CCDC191: variants seen among roughly 807,000 people sequenced by gnomAD.
CCDC191 encodes coiled-coil domain-containing protein 191.
CCDC191 carries 99 observed loss-of-function variants against 114.0 expected under a neutral mutation model. The ratio of observed to expected loss-of-function variants is 0.87; its 90% CI spans 0.74 to 1.03. CCDC191 has a LOEUF of 1.03. Ranked by LOEUF, CCDC191 falls within the 50% of genes least tolerant of loss-of-function variation. The probability of loss-of-function intolerance (pLI) is 0.00; values close to 1 mark genes in which losing one functional copy is unlikely to be tolerated. For missense variants in CCDC191, 973 were observed against 1,087.0 expected (o/e 0.90, Z 1.47); for synonymous variants, 351 against 376.0 (o/e 0.93, Z 0.77).
Position 114,042,690 on chromosome 3 carries a change from G to C in CCDC191, c.415+13C>G, listed in dbSNP as rs1045783352. On this transcript the variant is annotated intron_variant, in intron 4 of 16. Coordinates refer to ENST00000295878, the MANE Select transcript of CCDC191 (RefSeq NM_020817.2). ...TAGATGTTAAAACTTAGAACAATCA[G>C]GTAAGTTCTTACCATCAAACTTGTC... 10 of 1,549,744 alleles carry C rather than the reference G, an allele frequency of 6.5e-6. No individual in the cohort carries two copies. Among genetic ancestry groups the C allele is most frequent in the Admixed American group, 4.4e-5 (2 of 45,338 alleles).
intron 8 of CCDC191, among the ~76,000 whole-genome samples, chr3:114,017,445 T>C (rs2076178112): frequency 6.6e-6 from 1 of 152,220 alleles, no homozygotes. Flanking sequence ...AGTCTCTAGA[T>C]GTTGTTTTGC....
intron 13 of CCDC191, among the ~76,000 whole-genome samples, chr3:113,993,057 T>C (rs2075619636): frequency 6.6e-6 from 1 of 152,152 alleles, no homozygotes; most frequent in Non-Finnish European, 1.5e-5. Flanking sequence ...ATAAAAGTAA[T>C]ATGATCATCT....
At chr3:113,968,499 A>G (rs1050994286) in intron 16 of CCDC191, among the ~76,000 whole-genome samples, 1 of 150,788 alleles carries the variant, frequency 6.6e-6, no homozygotes, top group Non-Finnish European at 1.5e-5. Context: ...CCCAGGCTGG[A>G]CTGTAGCAGT....
At chr3:114,043,230 G>GTC (rs2076586738) in intron 3 of CCDC191, among the ~76,000 whole-genome samples, 3 of 152,216 alleles carry the variant, frequency 2.0e-5, no homozygotes, top group African/African-American at 7.2e-5. Flanking sequence ...AGCAAATGCA[G>GTC]AGGTCCTGTG....
intron 16 of CCDC191, among the ~76,000 whole-genome samples, chr3:113,976,975 T>C (rs1054777931): frequency 6.6e-6 from 1 of 152,216 alleles, no homozygotes; most frequent in African/African-American, 2.4e-5. Flanking sequence ...TTCCAGTATC[T>C]GTGAATTAAA....
intron 4 of CCDC191, among the ~76,000 whole-genome samples, chr3:114,039,114 A>G (rs1030113679): frequency 1.3e-5 from 2 of 152,234 alleles, no homozygotes; most frequent in Non-Finnish European, 2.9e-5. Context: ...AATTATATAC[A>G]ATACATAATA....
chr3:114,027,654 A>C (rs2076343900), intron 7 of CCDC191, among the ~76,000 whole-genome samples: 1 of 152,012 alleles, frequency 6.6e-6, no homozygotes, highest in Non-Finnish European at 1.5e-5. Context: ...AGCACAAACA[A>C]TTACAGGAAT....
At position 114,002,654 on chromosome 3, in the gene CCDC191, G is replaced by A. The variant is rs181835265; in HGVS notation, c.1979-116C>T. 2.8e-5 allele frequency: 35 copies of A among 1,258,714 alleles called. No homozygotes were observed. The African/African-American group carries it at 4.4e-4, about 16-fold the overall frequency. The allele number at this position is 1,258,714 out of a possible 1,614,324, so 78.0% of individuals were successfully genotyped here. ...TTAGTGTTATTATTAGGGTTTTCTT[G>A]TAAGTTGAATGTTCACAATCTCAGA... On this transcript the variant is annotated intron_variant, in intron 11 of 16. Transcript: ENST00000295878.
At chr3:114,019,691 T>G (rs2076217093) in intron 7 of CCDC191, among the ~76,000 whole-genome samples, 1 of 152,200 alleles carries the variant, frequency 6.6e-6, no homozygotes, top group Admixed American at 6.5e-5. Context: ...CAAAAGTAAT[T>G]GCGGTTTTTG....
chr3:114,001,522 A>G, intron 13 of CCDC191, 73 bp downstream of exon 13: 1 of 1,556,460 alleles, frequency 6.4e-7, no homozygotes, highest in South Asian at 1.2e-5. Flanking sequence ...GGGTTAAAGA[A>G]GGTGGATAGG....
intron 7 of CCDC191, among the ~76,000 whole-genome samples, chr3:114,019,600 C>T (rs2076215349): frequency 6.6e-6 from 1 of 152,214 alleles, no homozygotes; most frequent in African/African-American, 2.4e-5. Context: ...TACATTCCTT[C>T]TAGATCAAAT....
chr3:114,000,747 C>T (rs2075840566), intron 13 of CCDC191, among the ~76,000 whole-genome samples: 1 of 152,006 alleles, frequency 6.6e-6, no homozygotes, highest in South Asian at 2.1e-4. Context: ...AACTCCTGGG[C>T]TCAAGGATTC....
chr3:114,019,491 TA>T (rs1214400488), intron 7 of CCDC191, among the ~76,000 whole-genome samples: 4 of 152,200 alleles, frequency 2.6e-5, no homozygotes, highest in Admixed American at 2.6e-4. Context: ...CTACTGATCC[TA>T]AGGATGTCCC....
chr3:114,001,668 C>T lies in CCDC191; in HGVS notation c.2090G>A (p.Arg697His), dbSNP rs377280799. Reference sequence around the variant, plus strand: ...CTTTTCTTCTGCCTCCCTTTTCTGACGTTCCTCCTCTTGGGCCTTTAACTG... The same window carrying T: ...CTTTTCTTCTGCCTCCCTTTTCTGATGTTCCTCCTCTTGGGCCTTTAACTG... Reference protein sequence around the residue: ...LAQLKAQEEERQKREAEEKEA... With the variant: ...LAQLKAQEEEHQKREAEEKEA... Residue 697 changes from arginine to histidine, a missense_variant, in exon 13 of 17, where the codon CGT becomes CAT. Arg to His is a conservative substitution (Grantham distance 29, BLOSUM62 0). Coordinates refer to ENST00000295878, the MANE Select transcript of CCDC191 (RefSeq NM_020817.2). The T allele has an allele frequency of 3.1e-4, 507 of 1,613,754 alleles. No homozygotes were observed. The highest frequency in any genetic ancestry group is 4.2e-4 in the Non-Finnish European group (493 of 1,179,844).
rs777392808 is a variant in CCDC191 at position 114,005,617 on chromosome 3, C to G, written c.1759G>C (p.Ala587Pro). 2.5e-6 allele frequency: 4 copies of G among 1,614,020 alleles called. No individual in the cohort carries two copies. The African/African-American group carries it at 5.3e-5, about 22-fold the overall frequency. ...ILELKKNLQL[A>P]EAQWAAEHAL... ...TGCTCTGCTGCCCACTGAGCCTCTG[C>G]CAGCTGCAGGTTTTTCTTCAGCTCG... is the stretch of plus-strand genomic sequence containing the variant. The change falls in exon 10 of 17, where the codon GCA becomes CCA. Residue 587 changes from alanine to proline, a missense_variant. Ala to Pro is a conservative substitution (Grantham distance 27). Transcript: ENST00000295878.
chr3:113,968,791 ATTG>A, intron 16 of CCDC191, among the ~76,000 whole-genome samples: 1 of 151,200 alleles, frequency 6.6e-6, no homozygotes, highest in East Asian at 1.9e-4. Context: ...TTTTTTTGCT[ATTG>A]TTTGAGTTCC....
chr3:114,001,740 A>C (rs1577390625), intron 12 of CCDC191, 44 bp from the exon 13 acceptor site: 1 of 1,610,080 alleles, frequency 6.2e-7, no homozygotes, highest in Middle Eastern at 1.7e-4. Flanking sequence ...CCTCAATTTG[A>C]ACAGAAATGT....
chr3:114,015,719 G>T (rs553160159), intron 8 of CCDC191, among the ~76,000 whole-genome samples: 2 of 152,262 alleles, frequency 1.3e-5, no homozygotes, highest in African/African-American at 4.8e-5. Flanking sequence ...TGAATCCTCA[G>T]GGTTTGGAAA....
At position 113,965,319 on chromosome 3, in the gene CCDC191, C is replaced by G; in HGVS notation, c.2647G>C (p.Val883Leu). The change falls in exon 17 of 17, where the codon GTA becomes CTA. Residue 883 changes from valine (V) to leucine (L), a missense_variant. By Grantham distance (32) the Val-to-Leu change is conservative. Transcript: ENST00000295878. Reference protein sequence around the residue: ...WITLRTWKKFVKFMKEERVKE... With the variant: ...WITLRTWKKFLKFMKEERVKE... ...ACTCTTTCCTCTTTCATAAATTTTA[C>G]AAACTTCTTCCATGTCCGAAGGGTG... 1.2e-6 allele frequency: 2 copies of G among 1,610,036 alleles called. No individual in the cohort carries two copies. The highest frequency in any genetic ancestry group is 1.7e-6 in the Non-Finnish European group (2 of 1,178,264).
Sources: gnomAD v4.1 joint callset for allele counts (sites outside exome capture counted in the v4.1 genomes callset) on GRCh38, gnomAD v4.1.1 for gene constraint, MANE v1.5 for transcripts, NCBI Gene and HGNC (gene_info 2026-07-23, HGNC 2026-07-21) for gene names.